Variants in CNTN5 observed in about 807,000 individuals in gnomAD.
The protein encoded by CNTN5 is contactin-5.
A neutral mutation model predicts 129.1 loss-of-function variants in CNTN5; 77 were observed. The observed-to-expected ratio is 0.60, with a 90% CI of 0.50 to 0.72. The LOEUF (loss-of-function observed/expected upper bound fraction) is 0.72, where lower values mean the gene tolerates loss of function less well. CNTN5 is among the 30% of genes least tolerant of loss of function. The pLI is 0.00. For missense variants in CNTN5, 1,478 were observed against 1,328.8 expected, an observed-to-expected ratio of 1.11 and a Z score of -1.75; for synonymous variants, 509 against 465.6, an observed-to-expected ratio of 1.09 and a Z score of -1.20.
At chr11:99,478,516 G>A (rs1053511876) in intron 2 of CNTN5, among the ~76,000 whole-genome samples, 1 of 152,112 alleles carries the variant, frequency 6.6e-6, no homozygotes, top group Non-Finnish European at 1.5e-5. Context: ...ACACTCAAAG[G>A]ATGGAGATTA....
intron 1 of CNTN5, among the ~76,000 whole-genome samples, chr11:99,256,576 A>G (rs10893003): frequency 0.32 from 48,528 of 151,728 alleles, 7,940 homozygotes; most frequent in Middle Eastern, 0.37. Context: ...AGAATGCTAG[A>G]TAAAATACTA....
chr11:99,147,648 C>G (rs1267445087), intron 1 of CNTN5, among the ~76,000 whole-genome samples: 1 of 152,122 alleles, frequency 6.6e-6, no homozygotes, highest in African/African-American at 2.4e-5. Context: ...CCTACCAGGA[C>G]AACAATTTTC....
At chr11:99,628,540 C>T (rs568113125) in intron 3 of CNTN5, among the ~76,000 whole-genome samples, 2 of 149,978 alleles carry the variant, frequency 1.3e-5, no homozygotes, top group African/African-American at 4.9e-5. Context: ...TCAACCAAAA[C>T]GTGTATAAAA....
At chr11:99,713,611 A>G (rs1032299056) in intron 3 of CNTN5, among the ~76,000 whole-genome samples, 1 of 151,930 alleles carries the variant, frequency 6.6e-6, no homozygotes, top group African/African-American at 2.4e-5. Flanking sequence ...ATAAATATGT[A>G]TGTATGTTTA....
intron 10 of CNTN5, among the ~76,000 whole-genome samples, chr11:100,066,324 C>A (rs1290047987): frequency 6.6e-6 from 1 of 151,998 alleles, no homozygotes; most frequent in African/African-American, 2.4e-5. Flanking sequence ...TCTCATTGGC[C>A]TACAGCTGAG....
At chr11:99,230,733 T>G (rs1445659222) in intron 1 of CNTN5, among the ~76,000 whole-genome samples, 1 of 152,150 alleles carries the variant, frequency 6.6e-6, no homozygotes, top group African/African-American at 2.4e-5. Flanking sequence ...TGTGCCATGG[T>G]GGTTTACTGC....
chr11:100,088,927 C>A (rs1944652344), intron 13 of CNTN5, among the ~76,000 whole-genome samples: 3 of 151,958 alleles, frequency 2.0e-5, no homozygotes, highest in African/African-American at 7.2e-5. Context: ...GGCAAAGATA[C>A]AACAAAAAAG....
At chr11:99,751,905 CCCTGCTGTCCCTGCTG>C (rs1425081314) in intron 3 of CNTN5, among the ~76,000 whole-genome samples, 1 of 152,076 alleles carries the variant, frequency 6.6e-6, no homozygotes, top group Non-Finnish European at 1.5e-5. Flanking sequence ...TGGCTTTTTG[CCCTGCTGTCCCTGCTG>C]CCATGTGAGG....
chr11:100,326,007 G>A (rs562337676), intron 21 of CNTN5, among the ~76,000 whole-genome samples: 5 of 152,148 alleles, frequency 3.3e-5, no homozygotes, highest in Admixed American at 6.5e-5. Context: ...TGAGATAAAC[G>A]AGAATAGTTC....
intron 2 of CNTN5, among the ~76,000 whole-genome samples, chr11:99,455,442 T>A (rs1315268522): frequency 3.3e-5 from 5 of 151,954 alleles, no homozygotes; most frequent in African/African-American, 1.2e-4. Flanking sequence ...ATATGTAGTT[T>A]TTTTTTTTAA....
At chr11:100,070,695 G>A in intron 11 of CNTN5, 135 bp downstream of exon 11, 1 of 676,392 alleles carries the variant, frequency 1.5e-6, no homozygotes, top group Non-Finnish European at 2.5e-6. Context: ...TTGTGTTAAG[G>A]ATGAATGTTA....
chr11:99,368,722 T>C (rs1939620754), intron 2 of CNTN5, among the ~76,000 whole-genome samples: 1 of 152,148 alleles, frequency 6.6e-6, no homozygotes, highest in South Asian at 2.1e-4. Context: ...AACAACTTGT[T>C]CTAGTTCCCA....
In CNTN5 at chr11:99,089,157, G is replaced by T. The variant is rs184023410; in HGVS notation, c.-210+67887G>T. Among the ~76,000 whole-genome samples, 20 of 151,782 alleles carry T rather than the reference G, an allele frequency of 1.3e-4. No homozygotes were observed. The East Asian group carries it at 3.7e-3, about 28-fold the overall frequency. On this transcript the variant is annotated intron_variant, in intron 1 of 24. Transcript: ENST00000524871. ...AGTTATACTGTATTCAACATAGCAG[G>T]CCTTTTGTGTCTAATCTTAATTCCA... is the stretch of plus-strand genomic sequence containing the variant.
At chr11:99,224,015 G>A (rs1045248603) in intron 1 of CNTN5, among the ~76,000 whole-genome samples, 3 of 152,058 alleles carry the variant, frequency 2.0e-5, no homozygotes, top group Admixed American at 6.6e-5. Flanking sequence ...TAGAGAAAAA[G>A]AAGGAAACTT....
chr11:99,125,590 G>GT (rs1858585674), intron 1 of CNTN5, among the ~76,000 whole-genome samples: 2 of 152,192 alleles, frequency 1.3e-5, no homozygotes, highest in South Asian at 4.1e-4. Context: ...ACATAGTGTT[G>GT]TAAGTCCTGG....
At chr11:99,361,531 T>C (rs909999755) in intron 2 of CNTN5, among the ~76,000 whole-genome samples, 6 of 152,204 alleles carry the variant, frequency 3.9e-5, no homozygotes, top group Non-Finnish European at 7.4e-5. Flanking sequence ...ATTTTAATTA[T>C]GCAATTGAGT....
intron 3 of CNTN5, among the ~76,000 whole-genome samples, chr11:99,726,966 T>G (rs959118626): frequency 7.9e-5 from 12 of 152,184 alleles, no homozygotes; most frequent in African/African-American, 2.9e-4. Flanking sequence ...TATCTTAGTC[T>G]AGTTTTTGTT....
intron 13 of CNTN5, among the ~76,000 whole-genome samples, chr11:100,130,213 C>T (rs920766109): frequency 6.6e-6 from 1 of 152,134 alleles, no homozygotes; most frequent in Non-Finnish European, 1.5e-5. Context: ...AAGACACAGT[C>T]ATTTGAAAGC....
intron 7 of CNTN5, among the ~76,000 whole-genome samples, chr11:99,927,717 G>C (rs562381798): frequency 1.3e-3 from 193 of 152,202 alleles, no homozygotes; most frequent in Middle Eastern, 6.8e-3. Context: ...CAACATGTGA[G>C]GATTATGGGA....
Sources: allele counts gnomAD v4.1 joint callset (sites outside exome capture counted in the v4.1 genomes callset), GRCh38; gene constraint gnomAD v4.1.1; transcripts MANE v1.5; gene names NCBI Gene and HGNC (gene_info 2026-07-23, HGNC 2026-07-21).